The following PCDH9 variants were observed in gnomAD, a reference collection of about 807,000 sequenced individuals.
PCDH9 encodes protocadherin-9.
A neutral mutation model predicts 70.6 loss-of-function variants in PCDH9; 24 were observed. The observed-to-expected ratio is 0.34, with a 90% CI of 0.25 to 0.48. The LOEUF (loss-of-function observed/expected upper bound fraction) is 0.48. PCDH9 is among the 20% of genes least tolerant of loss of function. The probability of loss-of-function intolerance (pLI) is 0.99; values close to 1 mark genes in which losing one functional copy is unlikely to be tolerated. For synonymous variants in PCDH9, 562 were observed against 558.5 expected (o/e 1.01, Z -0.09); for missense variants, 1,281 against 1,503.6 (o/e 0.85, Z 2.45).
At chr13:67,158,114 C>T (rs762646115) in intron 2 of PCDH9, among the ~76,000 whole-genome samples, 14 of 152,110 alleles carry the variant, frequency 9.2e-5, no homozygotes, top group African/African-American at 2.2e-4. Flanking sequence ...TGCAAGCTTT[C>T]GTGATACATA....
chr13:67,207,080 T>C (rs184615708), intron 2 of PCDH9: 1 of 151,646 alleles, frequency 6.6e-6, no homozygotes, highest in East Asian at 1.9e-4. Flanking sequence ...TATCTCCCCA[T>C]GTCTCAGGAA....
intron 4 of PCDH9, among the ~76,000 whole-genome samples, chr13:66,528,411 T>C (rs1416893675): frequency 6.6e-6 from 1 of 152,076 alleles, no homozygotes; most frequent in Non-Finnish European, 1.5e-5. Context: ...CCCGCAATAG[T>C]GCAATTGTAC....
At chr13:66,940,446 G>A (rs2082989200) in intron 2 of PCDH9, among the ~76,000 whole-genome samples, 1 of 151,964 alleles carries the variant, frequency 6.6e-6, no homozygotes, top group Admixed American at 6.6e-5. Context: ...AGCAATTTGA[G>A]GTGATGATTA....
intron 4 of PCDH9, among the ~76,000 whole-genome samples, chr13:66,609,594 G>GATTTTTA (rs1285014117): frequency 6.6e-6 from 1 of 151,970 alleles, no homozygotes; most frequent in Non-Finnish European, 1.5e-5. Context: ...ATATAAAGCA[G>GATTTTTA]ATTTTTTTGA....
At chr13:67,086,287 T>A (rs1176136401) in intron 2 of PCDH9, among the ~76,000 whole-genome samples, 2 of 152,182 alleles carry the variant, frequency 1.3e-5, no homozygotes, top group East Asian at 3.9e-4. Context: ...CTTCCAACAA[T>A]TTGGTTCAAA....
At chr13:66,845,258 C>T (rs1410052058) in intron 3 of PCDH9, among the ~76,000 whole-genome samples, 2 of 152,226 alleles carry the variant, frequency 1.3e-5, no homozygotes. Flanking sequence ...CTCAGCCCCA[C>T]TTCAGCCTCC....
chr13:66,551,355 G>T (rs1046904937), intron 4 of PCDH9, among the ~76,000 whole-genome samples: 1 of 152,134 alleles, frequency 6.6e-6, no homozygotes, highest in Non-Finnish European at 1.5e-5. Context: ...CTCACCAGGT[G>T]AGGAAAGGGC....
chr13:66,817,925 G>C (rs2080637750), intron 3 of PCDH9, among the ~76,000 whole-genome samples: 1 of 152,090 alleles, frequency 6.6e-6, no homozygotes, highest in Non-Finnish European at 1.5e-5. Context: ...ACCACACCCG[G>C]TCTGATTTTT....
intron 3 of PCDH9, among the ~76,000 whole-genome samples, chr13:66,770,159 T>C (rs2079783533): frequency 6.6e-6 from 1 of 152,068 alleles, no homozygotes; most frequent in African/African-American, 2.4e-5. Context: ...ATTATTACTA[T>C]AGATAGAAAA....
chr13:66,736,754 C>A (rs959250065), intron 3 of PCDH9, among the ~76,000 whole-genome samples: 1 of 152,180 alleles, frequency 6.6e-6, no homozygotes, highest in Admixed American at 6.5e-5. Flanking sequence ...AAGATGCTTA[C>A]AAGAGTCTCA....
At chr13:66,492,368 G>A (rs1959048372) in intron 4 of PCDH9, among the ~76,000 whole-genome samples, 2 of 150,726 alleles carry the variant, frequency 1.3e-5, no homozygotes, top group East Asian at 3.9e-4. Context: ...CTTTCTGAAT[G>A]TTGGTCATTC....
At chr13:67,119,082 C>T (rs2086831307) in intron 2 of PCDH9, among the ~76,000 whole-genome samples, 1 of 152,094 alleles carries the variant, frequency 6.6e-6, no homozygotes, top group East Asian at 1.9e-4. Context: ...TCAGAAAGTC[C>T]TTTCAGCCAG....
chr13:67,113,456 T>C (rs1458086114), intron 2 of PCDH9, among the ~76,000 whole-genome samples: 3 of 152,180 alleles, frequency 2.0e-5, no homozygotes, highest in Non-Finnish European at 2.9e-5. Flanking sequence ...AAATTGCAAG[T>C]AATATAAGAC....
chr13:67,081,170 T>C lies in PCDH9; in HGVS notation c.3036+144235A>G, dbSNP rs535153581. ...GTAGGAAAAGGAACTGACTCAGAGA[T>C]AAGACAAGGATATAGAGAATAATGG... On this transcript the variant is annotated intron_variant, in intron 2 of 4. Transcript: ENST00000377865. 2.6e-5 allele frequency among the ~76,000 whole-genome samples: 4 copies of C among 152,348 alleles called. No individual in the cohort carries two copies. The East Asian group carries it at 5.8e-4, about 22-fold the overall frequency.
intron 2 of PCDH9, among the ~76,000 whole-genome samples, chr13:67,016,488 T>C (rs1323000367): frequency 2.0e-5 from 3 of 152,196 alleles, no homozygotes; most frequent in Admixed American, 2.0e-4. Context: ...AATAAGTGGA[T>C]TGGCTCAAAG....
chr13:67,211,309 T>G (rs1566498201), intron 2 of PCDH9: 1 of 152,026 alleles, frequency 6.6e-6, no homozygotes, highest in African/African-American at 2.4e-5. Context: ...CACAGAACAG[T>G]TGGAAAGATC....
chr13:66,759,047 G>T (rs2079581073), intron 3 of PCDH9, among the ~76,000 whole-genome samples: 1 of 151,376 alleles, frequency 6.6e-6, no homozygotes, highest in Admixed American at 6.6e-5. Flanking sequence ...TGTCAATTTA[G>T]TTGACCTCCT....
At chr13:67,025,848 A>C (rs149887586) in intron 2 of PCDH9, among the ~76,000 whole-genome samples, 2 of 152,212 alleles carry the variant, frequency 1.3e-5, no homozygotes, top group African/African-American at 4.8e-5. Flanking sequence ...TTCTAAAATG[A>C]AGAAGGGCAA....
chr13:66,823,794 C>T (rs991034072), intron 3 of PCDH9, among the ~76,000 whole-genome samples: 2 of 151,962 alleles, frequency 1.3e-5, no homozygotes, highest in African/African-American at 2.4e-5. Context: ...GTTTATTGTA[C>T]ATTTTATTTT....
Sources: allele counts gnomAD v4.1 joint callset (sites outside exome capture counted in the v4.1 genomes callset), GRCh38; gene constraint gnomAD v4.1.1; transcripts MANE v1.5; gene names NCBI Gene and HGNC (gene_info 2026-07-23, HGNC 2026-07-21).